FSIP1: variants seen among roughly 807,000 people sequenced by gnomAD.
The protein encoded by FSIP1 is fibrous sheath interacting protein 1, also known as fibrous sheath-interacting protein 1.
In FSIP1, 65 loss-of-function variants were observed where a neutral mutation model predicts 60.9. That is an observed-to-expected ratio of 1.07 (90% CI 0.87 to 1.31). The LOEUF (loss-of-function observed/expected upper bound fraction) is 1.31. Among genes scored for constraint, FSIP1 ranks in the 40% most tolerant of loss-of-function variants. The probability of loss-of-function intolerance (pLI) is 0.00; values close to 1 mark genes in which losing one functional copy is unlikely to be tolerated. For synonymous variants in FSIP1, 209 were observed against 221.2 expected (o/e 0.94, Z 0.49); for missense variants, 675 against 665.5 (o/e 1.01, Z -0.16).
chr15:39,629,537 C>T (rs937456491), intron 10 of FSIP1, among the ~76,000 whole-genome samples: 11 of 152,184 alleles, frequency 7.2e-5, no homozygotes, highest in Admixed American at 2.0e-4. Flanking sequence ...TTTTCTCTTA[C>T]TCCTCAGGCT....
intron 10 of FSIP1, among the ~76,000 whole-genome samples, chr15:39,670,426 G>A (rs1292607634): frequency 2.0e-5 from 3 of 152,182 alleles, no homozygotes; most frequent in Non-Finnish European, 4.4e-5. Context: ...TAAATGAAAA[G>A]AACCATATAT....
intron 5 of FSIP1, among the ~76,000 whole-genome samples, chr15:39,751,013 A>C (rs1897145796): frequency 6.6e-6 from 1 of 151,994 alleles, no homozygotes; most frequent in Non-Finnish European, 1.5e-5. Flanking sequence ...ATGACCAACA[A>C]TATGAAAAGG....
rs113496837 is a variant in FSIP1 at position 39,722,935 on chromosome 15, G to GA, written c.1050+3653dup. On this transcript the variant is annotated intron_variant, in intron 9 of 11. Transcript: ENST00000350221. ...GACAAGCGAGACCTTGTCTCTTGAA[G>GA]AAAAAAAAAAAAGCTTTCTATGGCA... Among the ~76,000 whole-genome samples the GA allele has an allele frequency of 9.8e-3, 1,374 of 140,374 alleles. 19 individuals carry two copies. Among genetic ancestry groups the GA allele is most frequent in the African/African-American group, 0.03 (1,138 of 38,488 alleles). The allele number at this position is 140,374 out of a possible 152,430, so 92.1% of individuals were successfully genotyped here.
intron 4 of FSIP1, among the ~76,000 whole-genome samples, chr15:39,765,141 A>G (rs1897635915): frequency 6.6e-6 from 1 of 152,060 alleles, no homozygotes; most frequent in South Asian, 2.1e-4. Context: ...ACACACATAT[A>G]CATACCACTG....
At chr15:39,615,310 A>G (rs1891184034) in intron 11 of FSIP1, among the ~76,000 whole-genome samples, 1 of 152,158 alleles carries the variant, frequency 6.6e-6, no homozygotes, top group Non-Finnish European at 1.5e-5. Context: ...AACAATGAAC[A>G]AAGTAAAGAG....
rs374069238 is a variant in FSIP1 at position 39,674,215 on chromosome 15, C to T, written c.1188+39229G>A. 3.3e-4 allele frequency among the ~76,000 whole-genome samples: 50 copies of T among 152,134 alleles called. No homozygotes were observed. The East Asian group carries it at 9.1e-3, about 28-fold the overall frequency. ...GACTACAGGCACCCACCACCACACC[C>T]AGCTAATTTTTTGTAGTTTTAGTAG... On this transcript the variant is annotated intron_variant, in intron 10 of 11. Coordinates refer to ENST00000350221, the MANE Select transcript of FSIP1 (RefSeq NM_152597.5).
chr15:39,766,712 A>C (rs1289498964), intron 3 of FSIP1, among the ~76,000 whole-genome samples: 1 of 152,274 alleles, frequency 6.6e-6, no homozygotes, highest in Non-Finnish European at 1.5e-5. Context: ...ATGCTCAAAC[A>C]GTAAGTCTCA....
At chr15:39,733,518 G>A (rs1300918058) in intron 8 of FSIP1, among the ~76,000 whole-genome samples, 1 of 152,182 alleles carries the variant, frequency 6.6e-6, no homozygotes, top group Non-Finnish European at 1.5e-5. Flanking sequence ...ATAGCCACCT[G>A]TGGCAGACAC....
In FSIP1 at chr15:39,640,787, G is replaced by A. The variant is rs142697135; in HGVS notation, c.1189-22542C>T. ...ATTGGAAGGAGAGTACAGAACTGCC[G>A]GTTGGTTACAGGTCAGTGTATATGC... is the stretch of plus-strand genomic sequence containing the variant. On this transcript the variant is annotated intron_variant, in intron 10 of 11. Transcript: ENST00000350221. 5.5e-3 allele frequency among the ~76,000 whole-genome samples: 833 copies of A among 152,060 alleles called. 12 individuals carry two copies. Among genetic ancestry groups the A allele is most frequent in the African/African-American group, 0.018 (766 of 41,478 alleles).
At chr15:39,642,407 C>G (rs941307221) in intron 10 of FSIP1, among the ~76,000 whole-genome samples, 2 of 152,174 alleles carry the variant, frequency 1.3e-5, no homozygotes, top group African/African-American at 4.8e-5. Context: ...GGCTGACATA[C>G]ATGAGTGGCT....
intron 10 of FSIP1, among the ~76,000 whole-genome samples, chr15:39,621,635 T>C (rs1891444148): frequency 6.6e-6 from 1 of 152,226 alleles, no homozygotes; most frequent in African/African-American, 2.4e-5. Flanking sequence ...AATAAACTTT[T>C]CTACTCACTT....
At chr15:39,674,620 G>C (rs1408921755) in intron 10 of FSIP1, among the ~76,000 whole-genome samples, 2 of 151,532 alleles carry the variant, frequency 1.3e-5, no homozygotes, top group African/African-American at 4.8e-5. Flanking sequence ...ATATATGACA[G>C]AGATGGTGAG....
intron 4 of FSIP1, among the ~76,000 whole-genome samples, chr15:39,765,092 C>T (rs918912628): frequency 6.6e-6 from 1 of 152,100 alleles, no homozygotes; most frequent in African/African-American, 2.4e-5. Flanking sequence ...GTTTTCTTCT[C>T]AGGTTCCAGA....
intron 10 of FSIP1, among the ~76,000 whole-genome samples, chr15:39,694,169 A>T (rs1019972270): frequency 9.6e-5 from 14 of 146,460 alleles, no homozygotes; most frequent in Admixed American, 2.0e-4. Flanking sequence ...CAAGAGATTT[A>T]TTTTTTTTTT....
intron 10 of FSIP1, among the ~76,000 whole-genome samples, chr15:39,696,547 T>C (rs976217744): frequency 6.6e-6 from 1 of 152,146 alleles, no homozygotes; most frequent in Non-Finnish European, 1.5e-5. Flanking sequence ...TGGAGGACAA[T>C]TTGGCAACAC....
At chr15:39,776,249 T>C (rs927298529) in intron 2 of FSIP1, 150 bp downstream of exon 2, 4 of 563,954 alleles carry the variant, frequency 7.1e-6, no homozygotes, top group Non-Finnish European at 1.1e-5. Flanking sequence ...TTCATATTAA[T>C]CTAGATTAAA....
At chr15:39,646,705 T>TAA (rs36049904) in intron 10 of FSIP1, among the ~76,000 whole-genome samples, 1 of 138,050 alleles carries the variant, frequency 7.2e-6, no homozygotes. Context: ...CACTGTCTCT[T>TAA]AAAAAAAAAA....
In FSIP1 at chr15:39,646,501, T is replaced by C. The variant is rs80031892; in HGVS notation, c.1189-28256A>G. 6.4e-3 allele frequency among the ~76,000 whole-genome samples: 702 copies of C among 109,756 alleles called. 5 individuals carry two copies. Among genetic ancestry groups the C allele is most frequent in the African/African-American group, 0.025 (685 of 27,360 alleles). 72.0% of individuals were successfully genotyped at this position (109,756 alleles called of 152,430 possible). On this transcript the variant is annotated intron_variant, in intron 10 of 11. Transcript: ENST00000350221. Reference sequence around the variant, plus strand: ...GAGTTCGAGACAGGCCTGCGTAACATAGCGAGACCTCATCTCTACAAAAAA... The same window carrying C: ...GAGTTCGAGACAGGCCTGCGTAACACAGCGAGACCTCATCTCTACAAAAAA...
In FSIP1 at chr15:39,712,905, G is replaced by GTAAT. The variant is rs3065145; in HGVS notation, c.1188+538_1188+539insATTA. 3.0e-3 allele frequency among the ~76,000 whole-genome samples: 457 copies of GTAAT among 152,086 alleles called. 24 individuals carry two copies. The East Asian group carries it at 0.076, about 25-fold the overall frequency. ...ATATATTAGTAATTACAAACAAAAA[G>GTAAT]AGAATTTAAGCTATAAGTTCAAAAC... On this transcript the variant is annotated intron_variant, in intron 10 of 11. Transcript: ENST00000350221.
Sources: gnomAD v4.1 joint callset for allele counts (sites outside exome capture counted in the v4.1 genomes callset) on GRCh38, gnomAD v4.1.1 for gene constraint, MANE v1.5 for transcripts, NCBI Gene and HGNC (gene_info 2026-07-23, HGNC 2026-07-21) for gene names.